GSE1: variants seen among roughly 807,000 people sequenced by gnomAD.
GSE1 encodes genetic suppressor element 1.
In GSE1, 32 loss-of-function variants were observed where a neutral mutation model predicts 112.6. The observed-to-expected ratio is 0.28, with a 90% confidence interval of 0.21 to 0.38. The LOEUF is 0.38. Ranked by LOEUF, GSE1 falls within the 10% of genes least tolerant of loss-of-function variation. The probability of loss-of-function intolerance (pLI) is 1.00; values close to 1 mark genes in which losing one functional copy is unlikely to be tolerated. For missense variants in GSE1, 2,348 were observed against 1,699.2 expected (o/e 1.38, Z -6.71); for synonymous variants, 1,115 against 735.6 (o/e 1.52, Z -8.35).
At chr16:85,453,266 GACCCTGAGCAGCCCGCCC>G (rs2151807903) in intron 2 of GSE1, among the ~76,000 whole-genome samples, 2 of 152,250 alleles carry the variant, frequency 1.3e-5, no homozygotes, top group African/African-American at 4.8e-5. Flanking sequence ...GTGGCTCGGG[GACCCTGAGCAGCCCGCCC>G]ACCCTCCTCT....
At chr16:85,434,400 A>G (rs1322535365) in intron 2 of GSE1, among the ~76,000 whole-genome samples, 1 of 151,990 alleles carries the variant, frequency 6.6e-6, no homozygotes, top group Non-Finnish European at 1.5e-5. Flanking sequence ...TTGTATGTGT[A>G]ACTCCTTTTA....
intron 1 of GSE1, among the ~76,000 whole-genome samples, chr16:85,315,630 G>A (rs905182818): frequency 1.8e-4 from 27 of 152,324 alleles, no homozygotes; most frequent in African/African-American, 6.3e-4. Flanking sequence ...GGTGTGTGTA[G>A]ACTTGAGACC....
At chr16:85,341,132 G>A (rs552173732) in intron 1 of GSE1, among the ~76,000 whole-genome samples, 2 of 152,198 alleles carry the variant, frequency 1.3e-5, no homozygotes, top group South Asian at 4.2e-4. Flanking sequence ...ACTGCTGAAA[G>A]TCAATTCATC....
rs984808662 is a variant in GSE1 at position 85,478,968 on chromosome 16, C to T, written c.2464+121325C>T. Among the ~76,000 whole-genome samples, 33 of 16,918 alleles carry T rather than the reference C, an allele frequency of 2.0e-3. 5 individuals are homozygous for T. Among genetic ancestry groups the T allele is most frequent in the African/African-American group, 0.013 (25 of 1,940 alleles). The allele number at this position is 16,918 out of a possible 152,430, so 11.1% of individuals were successfully genotyped here. A position where few individuals can be genotyped will look rare whatever the true frequency, so the allele number is the denominator to read the frequency against. ...TTCTTTTTTTTTCTTTCTTTCTTTC[C>T]TTCCTTCCTTCCTTCCTTCCTTCCT... On this transcript the variant is annotated intron_variant, in intron 2 of 2. Coordinates refer to the GSE1 transcript ENST00000637419.
At chr16:85,296,166 C>G (rs942741905) in intron 1 of GSE1, among the ~76,000 whole-genome samples, 2 of 152,052 alleles carry the variant, frequency 1.3e-5, no homozygotes, top group African/African-American at 2.4e-5. Context: ...GCACAAGGTA[C>G]GAAAGGCACG....
chr16:85,607,541 G>A (rs149744877), upstream of GSE1, among the ~76,000 whole-genome samples: 4 of 152,292 alleles, frequency 2.6e-5, no homozygotes, highest in African/African-American at 7.2e-5. Context: ...GGAAGTGTGG[G>A]GCAGCCCGGG....
intron 1 of GSE1, among the ~76,000 whole-genome samples, chr16:85,203,603 A>T (rs996184173): frequency 2.0e-5 from 3 of 152,216 alleles, no homozygotes; most frequent in Non-Finnish European, 4.4e-5. Flanking sequence ...CACTCTACAG[A>T]TAGGCAGCCA....
chr16:85,562,968 G>A (rs530114009), intron 1 of GSE1, among the ~76,000 whole-genome samples: 1 of 152,330 alleles, frequency 6.6e-6, no homozygotes, highest in East Asian at 1.9e-4. Flanking sequence ...GGCCCTTAAC[G>A]TGGCCTTTCA....
At chr16:85,537,740 G>A (rs1326972181) in intron 2 of GSE1, among the ~76,000 whole-genome samples, 2 of 152,256 alleles carry the variant, frequency 1.3e-5, no homozygotes, top group East Asian at 1.9e-4. Context: ...AGGCCCTGGC[G>A]AGAAAGATGA....
intron 1 of GSE1, among the ~76,000 whole-genome samples, chr16:85,290,365 G>C (rs2045172564): frequency 6.6e-6 from 1 of 152,184 alleles, no homozygotes; most frequent in Non-Finnish European, 1.5e-5. Context: ...CCCTCCCCAT[G>C]ACCTCCAGTG....
At chr16:85,657,634 T>A in intron 8 of GSE1, 30 bp downstream of exon 8, 2 of 1,431,054 alleles carry the variant, frequency 1.4e-6, no homozygotes, top group Non-Finnish European at 1.9e-6. Context: ...GAAGGAGGGA[T>A]GAGCCTTCAC....
chr16:85,486,090 A>C (rs1411211941), intron 2 of GSE1, among the ~76,000 whole-genome samples: 1 of 152,120 alleles, frequency 6.6e-6, no homozygotes, highest in Non-Finnish European at 1.5e-5. Flanking sequence ...CAGCCCTGCC[A>C]ACTGGGGGCA....
At chr16:85,265,870 C>T (rs1044069932) in intron 1 of GSE1, among the ~76,000 whole-genome samples, 5 of 152,164 alleles carry the variant, frequency 3.3e-5, no homozygotes, top group African/African-American at 7.2e-5. Flanking sequence ...CCCAGGTCCA[C>T]GGTCACAGGG....
intron 2 of GSE1, among the ~76,000 whole-genome samples, chr16:85,498,182 C>A (rs117362443): frequency 6.6e-6 from 1 of 152,126 alleles, no homozygotes; most frequent in Non-Finnish European, 1.5e-5. Context: ...CTGCAGGCTG[C>A]GATTCCTCTC....
At chr16:85,266,232 C>A (rs571892565) in intron 1 of GSE1, among the ~76,000 whole-genome samples, 31 of 152,306 alleles carry the variant, frequency 2.0e-4, no homozygotes, top group African/African-American at 7.5e-4. Context: ...CCTTCCAGCT[C>A]CGGGCGAGAC....
intron 1 of GSE1, among the ~76,000 whole-genome samples, chr16:85,206,554 C>A (rs1743058341): frequency 6.6e-6 from 1 of 152,130 alleles, no homozygotes; most frequent in African/African-American, 2.4e-5. Context: ...GATCCAGCTG[C>A]AAGCCAGGTG....
At chr16:85,252,533 G>A (rs755892728) in intron 1 of GSE1, among the ~76,000 whole-genome samples, 7 of 152,244 alleles carry the variant, frequency 4.6e-5, no homozygotes, top group Non-Finnish European at 1.0e-4. Flanking sequence ...GCACTCTGGG[G>A]AACCCAGTTT....
intron 1 of GSE1, among the ~76,000 whole-genome samples, chr16:85,309,107 G>T (rs570313880): frequency 6.6e-6 from 1 of 151,638 alleles, no homozygotes; most frequent in African/African-American, 2.4e-5. Flanking sequence ...GCTGGTCTCA[G>T]CCGGTTTTGC....
At chr16:85,613,250 C>T (rs2048113908), upstream of GSE1, 7 of 1,522,138 alleles carry the variant, frequency 4.6e-6, no homozygotes, top group South Asian at 3.7e-5. Context: ...GTTTCTTGGC[C>T]GGGGCCCCGG....
Sources: allele counts gnomAD v4.1 joint callset (sites outside exome capture counted in the v4.1 genomes callset), GRCh38; gene constraint gnomAD v4.1.1; transcripts MANE v1.5; gene names NCBI Gene and HGNC (gene_info 2026-07-23, HGNC 2026-07-21).